Variants in DENND4C observed in about 807,000 individuals in gnomAD.
The protein encoded by DENND4C is DENN domain-containing protein 4C.
A neutral mutation model predicts 203.0 loss-of-function variants in DENND4C; 108 were observed. That is an observed-to-expected ratio of 0.53 (90% CI 0.46 to 0.62). DENND4C has a LOEUF of 0.62. Among genes scored for constraint, DENND4C ranks in the 20% least tolerant of loss-of-function variants. DENND4C has a pLI of 0.00. For missense variants in DENND4C, 2,481 were observed against 2,301.2 expected (o/e 1.08, Z -1.60); for synonymous variants, 871 against 792.4 (o/e 1.10, Z -1.67).
At chr9:19,284,505 G>A (rs542421077) in intron 2 of DENND4C, among the ~76,000 whole-genome samples, 1 of 152,126 alleles carries the variant, frequency 6.6e-6, no homozygotes, top group Non-Finnish European at 1.5e-5. Flanking sequence ...AAAGATAAAT[G>A]TGTAAATAAT....
chr9:19,352,006 T>A lies in DENND4C; in HGVS notation c.4496-67T>A, dbSNP rs540051993. On this transcript the variant is annotated intron_variant, in intron 24 of 32. Transcript: ENST00000434457. The stretch of plus-strand genomic sequence containing the variant: ...TATTCTGTGTCCCCCCTAAATACTT[T>A]GGCATGCATTTTCAAAAAACAAGGA... The A allele has an allele frequency of 1.1e-5, 14 of 1,306,766 alleles. No homozygotes were observed. In the South Asian group the frequency reaches 1.7e-4, roughly 16 times the overall value. The allele number at this position is 1,306,766 out of a possible 1,614,324, so 80.9% of individuals were successfully genotyped here. A position where few individuals can be genotyped will look rare whatever the true frequency, so the allele number is the denominator to read the frequency against.
At chr9:19,280,975 A>C (rs1833934652) in intron 2 of DENND4C, among the ~76,000 whole-genome samples, 1 of 152,118 alleles carries the variant, frequency 6.6e-6, no homozygotes, top group Non-Finnish European at 1.5e-5. Context: ...TCCTGGACTC[A>C]AGCAATCTGC....
At chr9:19,350,266 C>T (rs970460277) in intron 23 of DENND4C, among the ~76,000 whole-genome samples, 7 of 152,160 alleles carry the variant, frequency 4.6e-5, no homozygotes, top group African/African-American at 1.2e-4. Context: ...TTTCAGATTA[C>T]ATAATTAAAA....
intron 17 of DENND4C, among the ~76,000 whole-genome samples, chr9:19,333,273 C>T (rs1819694743): frequency 6.6e-6 from 1 of 152,004 alleles, no homozygotes; most frequent in South Asian, 2.1e-4. Context: ...TACTTGGCCT[C>T]CCAAAGTGCC....
At chr9:19,324,650 C>A in intron 13 of DENND4C, 143 bp downstream of exon 13, 2 of 812,132 alleles carry the variant, frequency 2.5e-6, no homozygotes, top group South Asian at 2.3e-5. Context: ...CGATTCTGGG[C>A]TGAATATATG....
chr9:19,276,683 A>T (rs1832952335), intron 2 of DENND4C: 2 of 368,546 alleles, frequency 5.4e-6, no homozygotes, highest in African/African-American at 4.2e-5. Flanking sequence ...ATTGCCTTGA[A>T]TTGTTAGATC....
intron 30 of DENND4C, among the ~76,000 whole-genome samples, chr9:19,364,537 G>T (rs1008959106): frequency 6.6e-6 from 1 of 152,156 alleles, no homozygotes; most frequent in Non-Finnish European, 1.5e-5. Flanking sequence ...CATAAAGCAG[G>T]AATGTCACTC....
chr9:19,313,687 G>A (rs1010546089), intron 10 of DENND4C, among the ~76,000 whole-genome samples: 2 of 152,146 alleles, frequency 1.3e-5, no homozygotes, highest in African/African-American at 4.8e-5. Flanking sequence ...TTTATTAGAC[G>A]TTTATCCTTA....
intron 20 of DENND4C, among the ~76,000 whole-genome samples, chr9:19,339,156 C>T (rs1317098168): frequency 6.6e-6 from 1 of 152,176 alleles, no homozygotes; most frequent in African/African-American, 2.4e-5. Flanking sequence ...TTTCCTAAGT[C>T]ATGTGAGCAG....
intron 2 of DENND4C, among the ~76,000 whole-genome samples, chr9:19,279,500 C>T (rs4977524): frequency 0.23 from 35,201 of 151,828 alleles, 4,291 homozygotes; most frequent in East Asian, 0.44. Context: ...CATGGTGAAA[C>T]CCCCTCTTTA....
intron 1 of DENND4C, among the ~76,000 whole-genome samples, chr9:19,255,373 C>T (rs1364184048): frequency 6.8e-6 from 1 of 147,172 alleles, no homozygotes; most frequent in Non-Finnish European, 1.5e-5. Context: ...CCACTGCATT[C>T]CAGCCTGGGC....
In DENND4C at chr9:19,288,678, A is replaced by G. The variant is rs968048353; in HGVS notation, c.628+13A>G. 11 of 1,228,744 alleles carry G rather than the reference A, an allele frequency of 9.0e-6. No homozygotes were observed. The highest frequency in any genetic ancestry group is 1.6e-5 in the African/African-American group (1 of 64,300). The allele number at this position is 1,228,744 out of a possible 1,614,324, so 76.1% of individuals were successfully genotyped here. On this transcript the variant is annotated intron_variant, in intron 4 of 32. Transcript: ENST00000434457. ...GCATATAAGGCTGGTAAGTGAGTTA[A>G]AAAAAATTGTCTCAATTGCTATAGT...
At chr9:19,314,735 G>C (rs1841446272) in intron 10 of DENND4C, among the ~76,000 whole-genome samples, 1 of 151,962 alleles carries the variant, frequency 6.6e-6, no homozygotes, top group African/African-American at 2.4e-5. Context: ...CATTAATAAA[G>C]GTACAACCAG....
At chr9:19,342,221 A>G (rs770189597) in intron 21 of DENND4C, among the ~76,000 whole-genome samples, 29 of 152,098 alleles carry the variant, frequency 1.9e-4, no homozygotes, top group Non-Finnish European at 3.2e-4. Context: ...TTTTATGAAA[A>G]CATGGAGGAA....
chr9:19,372,332 C>A lies in DENND4C; in HGVS notation c.*159C>A. The stretch of plus-strand genomic sequence containing the variant: ...TGAATTATGATTCATATTGCATTAC[C>A]TTGAAATATGAAGTGCCATTTGAAT... On this transcript the variant is annotated 3_prime_UTR_variant, in exon 33 of 33. Coordinates refer to ENST00000434457, the MANE Select transcript of DENND4C (RefSeq NM_001330640.2). 1.2e-6 allele frequency: 1 copy of A among 864,526 alleles called. No individual in the cohort carries two copies. The highest frequency in any genetic ancestry group is 1.7e-6 in the Non-Finnish European group (1 of 588,948). The allele number at this position is 864,526 out of a possible 1,614,324, so 53.6% of individuals were successfully genotyped here.
intron 26 of DENND4C, 80 bp from the exon 27 acceptor site, chr9:19,356,892 A>C: frequency 1.5e-6 from 2 of 1,333,378 alleles, no homozygotes; most frequent in South Asian, 2.7e-5. Context: ...CTTTAGCAAT[A>C]AAATGATTCT....
At chr9:19,249,211 G>T (rs948533180) in intron 1 of DENND4C, among the ~76,000 whole-genome samples, 1 of 151,218 alleles carries the variant, frequency 6.6e-6, no homozygotes, top group Non-Finnish European at 1.5e-5. Context: ...TTAAAACGAT[G>T]TTTGAGACCC....
intron 20 of DENND4C, chr9:19,337,793 T>A (rs1820808081): frequency 2.2e-6 from 1 of 451,532 alleles, no homozygotes; most frequent in Non-Finnish European, 3.8e-6. Flanking sequence ...CTTTTCTCCT[T>A]CAGATAAATG....
At chr9:19,263,676 C>T (rs914820671) in intron 1 of DENND4C, among the ~76,000 whole-genome samples, 9 of 138,554 alleles carry the variant, frequency 6.5e-5, no homozygotes, top group African/African-American at 2.6e-4. Flanking sequence ...TTTTTTAAGA[C>T]AGAATCTCGC....
Sources: allele counts gnomAD v4.1 joint callset (sites outside exome capture counted in the v4.1 genomes callset), GRCh38; gene constraint gnomAD v4.1.1; transcripts MANE v1.5; gene names NCBI Gene and HGNC (gene_info 2026-07-23, HGNC 2026-07-21).